MED13: variants seen among roughly 807,000 people sequenced by gnomAD.
MED13 encodes mediator complex subunit 13.
In MED13, 23 loss-of-function variants were observed where a neutral mutation model predicts 225.2. The ratio of observed to expected loss-of-function variants is 0.10; its 90% CI spans 0.07 to 0.14. The LOEUF (loss-of-function observed/expected upper bound fraction) is 0.14, where lower values mean the gene tolerates loss of function less well. Among genes scored for constraint, MED13 ranks in the 10% least tolerant of loss-of-function variants. The pLI, the probability that MED13 is intolerant of heterozygous loss-of-function variation, is 1.00. For synonymous variants in MED13, 942 were observed against 889.2 expected (o/e 1.06, Z -1.06); for missense variants, 2,197 against 2,594.5 (o/e 0.85, Z 3.33).
At chr17:62,056,806 A>G (rs570572111) in intron 2 of MED13, among the ~76,000 whole-genome samples, 1 of 152,306 alleles carries the variant, frequency 6.6e-6, no homozygotes, top group South Asian at 2.1e-4. Flanking sequence ...CTATGTCCAG[A>G]GAAAATAAAG....
chr17:62,063,903 A>C (rs1234608406), intron 1 of MED13, among the ~76,000 whole-genome samples: 1 of 152,218 alleles, frequency 6.6e-6, no homozygotes, highest in Non-Finnish European at 1.5e-5. Context: ...AGAAATATAA[A>C]ACCTGGTGTA....
At chr17:61,992,489 G>T in intron 11 of MED13, 51 bp downstream of exon 11, 1 of 1,102,948 alleles carries the variant, frequency 9.1e-7, no homozygotes, top group Non-Finnish European at 1.4e-6. Context: ...AGATCAGTCT[G>T]TAGTAACAAT....
intron 16 of MED13, among the ~76,000 whole-genome samples, chr17:61,975,707 T>G (rs1209828218): frequency 6.7e-6 from 1 of 150,036 alleles, no homozygotes; most frequent in Non-Finnish European, 1.5e-5. Flanking sequence ...GATGACAGAG[T>G]GAGACTCTGT....
At chr17:61,991,538 C>A (rs1317612791) in intron 11 of MED13, among the ~76,000 whole-genome samples, 8 of 151,948 alleles carry the variant, frequency 5.3e-5, no homozygotes, top group Non-Finnish European at 1.5e-5. Context: ...GAGACAGAGT[C>A]TCGCTCTGTC....
chr17:62,002,080 T>C (rs1209996090), intron 9 of MED13, among the ~76,000 whole-genome samples: 1 of 152,202 alleles, frequency 6.6e-6, no homozygotes, highest in African/African-American at 2.4e-5. Context: ...AATTTACTAA[T>C]ATAAACAAAC....
chr17:62,036,247 A>C (rs934377611), intron 3 of MED13, among the ~76,000 whole-genome samples: 1 of 152,168 alleles, frequency 6.6e-6, no homozygotes, highest in Non-Finnish European at 1.5e-5. Flanking sequence ...AATTGGACTA[A>C]TCATTTAATG....
At chr17:62,017,367 G>C (rs1603403181) in intron 8 of MED13, among the ~76,000 whole-genome samples, 2 of 151,048 alleles carry the variant, frequency 1.3e-5, no homozygotes, top group East Asian at 3.9e-4. Context: ...ATTAACAAAA[G>C]AACAAAAATA....
chr17:61,986,822 G>A (rs1243541503), intron 12 of MED13, among the ~76,000 whole-genome samples, 185 bp downstream of exon 12: 2 of 152,024 alleles, frequency 1.3e-5, no homozygotes, highest in Non-Finnish European at 2.9e-5. Flanking sequence ...GTTTATAGAT[G>A]ACACTATGGC....
At position 62,011,002 on chromosome 17, in the gene MED13, T is replaced by A. The variant is rs748904379; in HGVS notation, c.1515A>T (p.Gln505His). 6.2e-7 allele frequency: 1 copy of A among 1,613,766 alleles called. No homozygotes were observed. The highest frequency in any genetic ancestry group is 8.5e-7 in the Non-Finnish European group (1 of 1,179,630). Residue 505 changes from glutamine to histidine, a missense_variant, in exon 9 of 30, where the codon CAA becomes CAT. By Grantham distance (24) the Gln-to-His change is conservative. Around this residue, in one of 12 missense-constraint regions of MED13, gnomAD observed 884 missense variants for 918.5 expected, o/e 0.96. Coordinates refer to ENST00000397786, the MANE Select transcript of MED13 (RefSeq NM_005121.3). ...TAGTTCGGATATTTGAAAATCTCAC[T>A]TGACTGTCTGGAGCAGAGATCACAA... ...QRLVISAPDS[Q>H]VRFSNIRTND...
chr17:61,977,793 G>C (rs2080169881), intron 16 of MED13, among the ~76,000 whole-genome samples: 1 of 151,666 alleles, frequency 6.6e-6, no homozygotes, highest in South Asian at 2.1e-4. Context: ...AAATATAAAG[G>C]CTTTTCTTTC....
At chr17:62,053,575 T>A (rs370273283) in intron 2 of MED13, among the ~76,000 whole-genome samples, 1 of 152,338 alleles carries the variant, frequency 6.6e-6, no homozygotes, top group African/African-American at 2.4e-5. Context: ...CAAATAATGA[T>A]ACCACTTCAG....
chr17:62,011,574 C>G (rs1327881205), intron 8 of MED13, among the ~76,000 whole-genome samples: 1 of 152,084 alleles, frequency 6.6e-6, no homozygotes, highest in Non-Finnish European at 1.5e-5. Flanking sequence ...TATAACAAGG[C>G]TTGAAATTTA....
At chr17:61,974,840 G>A (rs2080140063) in intron 16 of MED13, among the ~76,000 whole-genome samples, 1 of 152,108 alleles carries the variant, frequency 6.6e-6, no homozygotes, top group Admixed American at 6.6e-5. Context: ...AAAAGTAATA[G>A]GAGTAAATTT....
intron 3 of MED13, among the ~76,000 whole-genome samples, chr17:62,036,177 A>T (rs1290404263): frequency 6.6e-6 from 1 of 151,528 alleles, no homozygotes; most frequent in African/African-American, 2.4e-5. Flanking sequence ...CTTAATTTTT[A>T]TTTTTGCCTA....
intron 8 of MED13, among the ~76,000 whole-genome samples, chr17:62,021,317 G>A (rs1336083155): frequency 7.1e-6 from 1 of 140,884 alleles, no homozygotes; most frequent in African/African-American, 2.6e-5. Flanking sequence ...CGGGCGGGGG[G>A]CTGACCCCCC....
At position 61,942,724 on chromosome 17, in the gene MED13, T is replaced by C. The variant is rs546297762; in HGVS notation, c.*3744A>G. The C allele has an allele frequency of 2.6e-5, 4 of 152,402 alleles. No individual in the cohort carries two copies. Among genetic ancestry groups the C allele is most frequent in the Non-Finnish European group, 2.9e-5 (2 of 67,942 alleles). The allele number at this position is 152,402 out of a possible 1,614,324, so 9.4% of individuals were successfully genotyped here. The stretch of plus-strand genomic sequence containing the variant: ...TCACAATTTGTACAACTCAGTGTTA[T>C]GGCATTCGGCAGCAATAGTGTTTGT... On this transcript the variant is annotated 3_prime_UTR_variant, in exon 30 of 30. Transcript: ENST00000397786.
At chr17:62,017,302 C>T (rs1454891418) in intron 8 of MED13, among the ~76,000 whole-genome samples, 2 of 146,298 alleles carry the variant, frequency 1.4e-5, no homozygotes, top group Admixed American at 6.8e-5. Context: ...ATAAAAAGAG[C>T]GTAGACTCTA....
Position 62,052,547 on chromosome 17 carries a change from T to C in MED13, c.460A>G (p.Ile154Val), listed in dbSNP as rs574308653. ...VKPYEKDEKP[I>V]NKSEHLSCSF... ...TTTAAGATAGCTTACCTTTTATTTA[T>C]AGGTTTTTCATCTTTTTCATAAGGC... The change falls in exon 3 of 30, where the codon ATA (isoleucine) becomes GTA (valine). Residue 154 changes from isoleucine to valine, a missense_variant. Transcript: ENST00000397786. 5.1e-6 allele frequency: 8 copies of C among 1,574,978 alleles called. No individual in the cohort carries two copies. Among genetic ancestry groups the C allele is most frequent in the African/African-American group, 2.7e-5 (2 of 73,408 alleles).
At chr17:62,058,741 C>CT (rs2081015406) in intron 2 of MED13, among the ~76,000 whole-genome samples, 1 of 152,136 alleles carries the variant, frequency 6.6e-6, no homozygotes, top group South Asian at 2.1e-4. Context: ...TATAGTTTGG[C>CT]TAATACTAGT....
Sources: allele counts gnomAD v4.1 joint callset (sites outside exome capture counted in the v4.1 genomes callset), GRCh38; gene constraint gnomAD v4.1.1; regional missense constraint gnomAD v4.1.1; transcripts MANE v1.5; gene names NCBI Gene and HGNC (gene_info 2026-07-23, HGNC 2026-07-21).